SLC30A8: variants seen among roughly 807,000 people sequenced by gnomAD.
The protein encoded by SLC30A8 is solute carrier family 30 member 8, also known as proton-coupled zinc antiporter SLC30A8.
Under a neutral mutation model 36.9 loss-of-function variants are expected in SLC30A8, and 27 were observed. That is an observed-to-expected ratio of 0.73 (90% CI 0.54 to 1.01). SLC30A8 has a LOEUF of 1.01. SLC30A8 is among the 50% of genes least tolerant of loss of function. SLC30A8 has a pLI of 0.00. For synonymous variants in SLC30A8, 164 were observed against 172.4 expected (o/e 0.95, Z 0.38); for missense variants, 439 against 452.0 (o/e 0.97, Z 0.26).
chr8:117,014,405 A>C (rs1386735193), intron 1 of SLC30A8, among the ~76,000 whole-genome samples: 1 of 152,196 alleles, frequency 6.6e-6, no homozygotes, highest in Non-Finnish European at 1.5e-5. Context: ...AGGAAAGAGA[A>C]TGGCTGATGA....
intron 2 of SLC30A8, among the ~76,000 whole-genome samples, chr8:117,108,259 G>A (rs1820080057): frequency 6.6e-6 from 1 of 152,092 alleles, no homozygotes; most frequent in Admixed American, 6.6e-5. Context: ...CTGCTGGTTG[G>A]GAAGTCTATA....
At chr8:116,973,427 T>G (rs562209235) in intron 1 of SLC30A8, among the ~76,000 whole-genome samples, 47 of 152,108 alleles carry the variant, frequency 3.1e-4, no homozygotes, top group Non-Finnish European at 6.3e-4. Context: ...ATGAGTGAAC[T>G]CCCATTCACA....
intron 1 of SLC30A8, among the ~76,000 whole-genome samples, chr8:117,033,672 G>T (rs1817124725): frequency 1.3e-5 from 2 of 152,166 alleles, no homozygotes; most frequent in African/African-American, 4.8e-5. Flanking sequence ...AAGGTTGAAG[G>T]AATAAAAAGT....
At chr8:116,970,851 T>A (rs1814770088) in intron 1 of SLC30A8, among the ~76,000 whole-genome samples, 1 of 152,094 alleles carries the variant, frequency 6.6e-6, no homozygotes, top group Non-Finnish European at 1.5e-5. Flanking sequence ...TCCTAGCACT[T>A]TGGGAGGCCG....
At chr8:117,002,692 C>T (rs1351186631) in intron 1 of SLC30A8, among the ~76,000 whole-genome samples, 1 of 152,098 alleles carries the variant, frequency 6.6e-6, no homozygotes, top group Non-Finnish European at 1.5e-5. Context: ...TGAACCTCTG[C>T]CTCCCGGTTT....
At position 117,174,176 on chromosome 8, in the gene SLC30A8, AGAT is replaced by A. The variant is rs1177583990; in HGVS notation, c.*1499_*1501del. On this transcript the variant is annotated 3_prime_UTR_variant, in exon 8 of 8. Coordinates refer to ENST00000456015, the MANE Select transcript of SLC30A8 (RefSeq NM_173851.3). ...TTGTAGAGAACAGGAGATAGGTCTT[AGAT>A]GATTTTTATGTTGTTGTCAGACTCT... 1 of 152,156 alleles carries A rather than the reference AGAT, an allele frequency of 6.6e-6. No homozygotes were observed. The highest frequency in any genetic ancestry group is 1.5e-5 in the Non-Finnish European group (1 of 68,026). 9.4% of individuals were successfully genotyped at this position (152,156 alleles called of 1,614,324 possible). A position where few individuals can be genotyped will look rare whatever the true frequency, so the allele number is the denominator to read the frequency against.
At chr8:117,124,540 A>T (rs1413699329) in intron 2 of SLC30A8, among the ~76,000 whole-genome samples, 1 of 151,790 alleles carries the variant, frequency 6.6e-6, no homozygotes, top group African/African-American at 2.4e-5. Context: ...ACCTCCACCA[A>T]AAAGTAATTC....
At chr8:116,950,345 G>T, upstream of SLC30A8, 1 of 153,458 alleles carries the variant, frequency 6.5e-6, no homozygotes, top group Non-Finnish European at 1.5e-5. Context: ...TGTTGGAGAA[G>T]AATCCTCTCC....
chr8:117,024,416 C>G (rs915757165), intron 1 of SLC30A8, among the ~76,000 whole-genome samples: 3 of 152,174 alleles, frequency 2.0e-5, no homozygotes, highest in African/African-American at 4.8e-5. Flanking sequence ...TTCCACAAAG[C>G]CTTCCATGGT....
rs182178282 is a variant in SLC30A8, at chr8:117,065,069, T to C, written c.-226+25811T>C. On this transcript the variant is annotated intron_variant, in intron 2 of 10. Coordinates refer to the SLC30A8 transcript ENST00000427715. ...TGTTAATCATGTTTTATGTTTTACTTTTATATTTTATTTTATTATATGCAT... is the reference window on the plus strand; with the variant it reads ...TGTTAATCATGTTTTATGTTTTACTCTTATATTTTATTTTATTATATGCAT... 3.9e-5 allele frequency among the ~76,000 whole-genome samples: 6 copies of C among 152,336 alleles called. No homozygotes were observed. The East Asian group carries it at 9.6e-4, about 24-fold the overall frequency.
At chr8:117,051,674 G>A (rs545714318) in intron 2 of SLC30A8, among the ~76,000 whole-genome samples, 3 of 152,018 alleles carry the variant, frequency 2.0e-5, no homozygotes, top group South Asian at 4.2e-4. Flanking sequence ...TTAGCCAGGC[G>A]TGGTGGCAGG....
chr8:117,132,000 A>T (rs1187788311), upstream of SLC30A8, among the ~76,000 whole-genome samples: 1 of 151,996 alleles, frequency 6.6e-6, no homozygotes, highest in African/African-American at 2.4e-5. Flanking sequence ...AAACCACTTC[A>T]CCACACTACC....
chr8:117,068,038 A>T (rs1333346134), intron 2 of SLC30A8, among the ~76,000 whole-genome samples: 1 of 152,242 alleles, frequency 6.6e-6, no homozygotes, highest in African/African-American at 2.4e-5. Flanking sequence ...CATTTTTTAT[A>T]TAAGAAGTAA....
chr8:116,981,786 A>G (rs1052458921), intron 1 of SLC30A8, among the ~76,000 whole-genome samples: 8 of 152,166 alleles, frequency 5.3e-5, no homozygotes, highest in Admixed American at 5.2e-4. Flanking sequence ...CATGGTGTGT[A>G]TGTACTACAT....
At chr8:116,982,106 A>G (rs189319000) in intron 1 of SLC30A8, among the ~76,000 whole-genome samples, 7 of 152,260 alleles carry the variant, frequency 4.6e-5, no homozygotes, top group African/African-American at 1.7e-4. Flanking sequence ...AGTAATAGCC[A>G]TTCTGACTGA....
At chr8:116,976,085 A>G (rs898280608) in intron 1 of SLC30A8, among the ~76,000 whole-genome samples, 1 of 152,186 alleles carries the variant, frequency 6.6e-6, no homozygotes, top group Non-Finnish European at 1.5e-5. Context: ...ACTTTCATAT[A>G]GAATCAGTGA....
At chr8:117,048,381 A>C (rs1333901174) in intron 2 of SLC30A8, among the ~76,000 whole-genome samples, 1 of 152,178 alleles carries the variant, frequency 6.6e-6, no homozygotes, top group Admixed American at 6.5e-5. Context: ...ATAGTGGGGG[A>C]GGAAAGAGGC....
In SLC30A8 at chr8:117,135,224, T is replaced by C; in HGVS notation, c.-104T>C. ...TTAATTTCTGGAGCCTTTTAATTTTTTCTTTAGAAAGTGTATAAATAATTG... is the reference window on the plus strand; with the variant it reads ...TTAATTTCTGGAGCCTTTTAATTTTCTCTTTAGAAAGTGTATAAATAATTG... On this transcript the variant is annotated 5_prime_UTR_variant, in exon 1 of 8. Coordinates refer to ENST00000456015, the MANE Select transcript of SLC30A8 (RefSeq NM_173851.3). 1 of 681,328 alleles carries C rather than the reference T, an allele frequency of 1.5e-6. No homozygotes were observed. 42.2% of individuals were successfully genotyped at this position (681,328 alleles called of 1,614,324 possible).
At chr8:117,160,100 G>T (rs2129646095) in intron 4 of SLC30A8, among the ~76,000 whole-genome samples, 1 of 152,308 alleles carries the variant, frequency 6.6e-6, no homozygotes, top group South Asian at 2.1e-4. Context: ...ATGCTGTATT[G>T]TTTGAATATA....
Sources: allele counts gnomAD v4.1 joint callset (sites outside exome capture counted in the v4.1 genomes callset), GRCh38; gene constraint gnomAD v4.1.1; transcripts MANE v1.5; gene names NCBI Gene and HGNC (gene_info 2026-07-23, HGNC 2026-07-21).